DNAH6: variants seen among roughly 807,000 people sequenced by gnomAD.
DNAH6 encodes the protein axonemal beta dynein heavy chain 6.
Under a neutral mutation model 491.4 loss-of-function variants are expected in DNAH6, and 340 were observed. The ratio of observed to expected loss-of-function variants is 0.69; its 90% CI spans 0.63 to 0.76. The LOEUF is 0.76. Ranked by LOEUF, DNAH6 falls within the 30% of genes least tolerant of loss-of-function variation. The pLI is 0.00. For synonymous variants in DNAH6, 1,603 were observed against 1,686.1 expected, an observed-to-expected ratio of 0.95 and a Z score of 1.21; for missense variants, 4,443 against 4,972.2, an observed-to-expected ratio of 0.89 and a Z score of 3.20.
the DNAH6 span, among the ~76,000 whole-genome samples, chr2:84,463,121 A>G: frequency 2.6e-5 from 4 of 152,234 alleles, no homozygotes; most frequent in Non-Finnish European, 4.4e-5. Flanking sequence ...AAGAGCCAGC[A>G]TTCCAAAGAG....
chr2:84,707,268 A>G (rs547570878), intron 53 of DNAH6, among the ~76,000 whole-genome samples: 1 of 152,368 alleles, frequency 6.6e-6, no homozygotes, highest in East Asian at 1.9e-4. Context: ...AAATACTACA[A>G]GGATACAGAA....
At position 84,679,990 on chromosome 2, in the gene DNAH6, A is replaced by G. The variant is rs891040654; in HGVS notation, c.6745-1367A>G. 1.6e-4 allele frequency among the ~76,000 whole-genome samples: 25 copies of G among 152,372 alleles called. No homozygotes were observed. In the East Asian group the frequency reaches 2.7e-3, roughly 16 times the overall value. ...TATAAATAAAATTATCAGCTTGTCT[A>G]TTCTCCATCATACACATACAAATGG... On this transcript the variant is annotated intron_variant, in intron 41 of 76. Coordinates refer to ENST00000389394, the MANE Select transcript of DNAH6 (RefSeq NM_001370.2).
At chr2:84,569,546 G>A (rs1019363306) in intron 11 of DNAH6, among the ~76,000 whole-genome samples, 3 of 152,070 alleles carry the variant, frequency 2.0e-5, no homozygotes, top group Non-Finnish European at 4.4e-5. Context: ...AAACCCACAT[G>A]TATTTCAAGT....
intron 62 of DNAH6, among the ~76,000 whole-genome samples, chr2:84,739,703 G>T (rs1010709551): frequency 6.6e-6 from 1 of 152,088 alleles, no homozygotes; most frequent in African/African-American, 2.4e-5. Context: ...ACTTCTGTTG[G>T]TTTTGTTCTT....
In DNAH6 at chr2:84,577,417, A is replaced by G. The variant is rs758990764; in HGVS notation, c.2076+9A>G. ...CTTTGCGATGCTTAGAGGTAACTAT[A>G]AACTAGAAAAAAAAATAATTATTCC... On this transcript the variant is annotated intron_variant, in intron 13 of 76. Transcript: ENST00000389394. The G allele has an allele frequency of 6.5e-7, 1 of 1,545,886 alleles. No homozygotes were observed. Among genetic ancestry groups the G allele is most frequent in the South Asian group, 1.2e-5 (1 of 81,316 alleles).
At chr2:84,758,402 A>G (rs180909360) in intron 63 of DNAH6, among the ~76,000 whole-genome samples, 2 of 152,168 alleles carry the variant, frequency 1.3e-5, no homozygotes, top group Non-Finnish European at 2.9e-5. Context: ...AGAAGGAGGG[A>G]ATTCTCTCTA....
intron 23 of DNAH6, among the ~76,000 whole-genome samples, chr2:84,617,363 T>C (rs1193032466): frequency 3.9e-5 from 6 of 152,170 alleles, no homozygotes; most frequent in Non-Finnish European, 7.4e-5. Flanking sequence ...AATCCAGTTA[T>C]ACTCTTTTAG....
rs191512991 is a variant in DNAH6, at chr2:84,593,445, G to C, written c.2611-527G>C. On this transcript the variant is annotated intron_variant, in intron 16 of 76. Transcript: ENST00000389394. ...ACTTCTCATGAAAACACCTTCTTCAGATTTTCTTGCACCCTTCCTCTCCAT... is the reference window on the plus strand; with the variant it reads ...ACTTCTCATGAAAACACCTTCTTCACATTTTCTTGCACCCTTCCTCTCCAT... Among the ~76,000 whole-genome samples the C allele has an allele frequency of 3.4e-3, 523 of 152,318 alleles. 1 individual carries two copies. The highest frequency in any genetic ancestry group is 0.011 in the African/African-American group (476 of 41,564).
At chr2:84,645,002 T>C (rs1250163331) in intron 33 of DNAH6, among the ~76,000 whole-genome samples, 2 of 152,232 alleles carry the variant, frequency 1.3e-5, no homozygotes, top group Non-Finnish European at 2.9e-5. Flanking sequence ...TTTTAGCTCT[T>C]TGGGGAATCA....
At chr2:84,490,037 C>CACAGTGTATGG in the DNAH6 span, among the ~76,000 whole-genome samples, 5 of 152,220 alleles carry the variant, frequency 3.3e-5, no homozygotes, top group East Asian at 9.7e-4. Flanking sequence ...AAGACCAATA[C>CACAGTGTATGG]CCCCACCATA....
upstream of DNAH6, among the ~76,000 whole-genome samples, chr2:84,515,551 T>C (rs1235572534): frequency 1.3e-5 from 2 of 152,152 alleles, no homozygotes; most frequent in Non-Finnish European, 2.9e-5. Flanking sequence ...AGTACAATAA[T>C]GTAAAGAACT....
At chr2:84,470,506 C>T in the DNAH6 span, among the ~76,000 whole-genome samples, 1 of 152,142 alleles carries the variant, frequency 6.6e-6, no homozygotes, top group South Asian at 2.1e-4. Context: ...GGGTAATGTC[C>T]TGACATCACC....
At chr2:84,483,279 T>TA in the DNAH6 span, among the ~76,000 whole-genome samples, 1 of 152,024 alleles carries the variant, frequency 6.6e-6, no homozygotes, top group African/African-American at 2.4e-5. Context: ...TTTGTATTTT[T>TA]AAAAAACTCC....
intron 58 of DNAH6, among the ~76,000 whole-genome samples, chr2:84,716,328 T>G (rs1355455623): frequency 6.6e-6 from 1 of 151,176 alleles, no homozygotes; most frequent in Admixed American, 6.6e-5. Flanking sequence ...TGATGTTGAT[T>G]CAAAATTAAT....
intron 21 of DNAH6, among the ~76,000 whole-genome samples, chr2:84,610,793 C>T (rs1686249837): frequency 6.6e-6 from 1 of 152,158 alleles, no homozygotes. Flanking sequence ...TTCAACAAAC[C>T]ACATTGTCTG....
the DNAH6 span, among the ~76,000 whole-genome samples, chr2:84,460,934 T>G: frequency 6.6e-6 from 1 of 152,284 alleles, no homozygotes; most frequent in East Asian, 1.9e-4. Context: ...GCATGACAAA[T>G]TAATGAAGAA....
intron 22 of DNAH6, among the ~76,000 whole-genome samples, chr2:84,612,879 G>T (rs1052272164): frequency 1.3e-5 from 2 of 151,884 alleles, no homozygotes; most frequent in African/African-American, 4.8e-5. Flanking sequence ...ACATCTCTAG[G>T]GGGCCATTAT....
rs769285582 is a variant in DNAH6 at position 84,762,953 on chromosome 2, C to A, written c.10703+8C>A. On this transcript the variant is annotated splice_region_variant and intron_variant, in intron 64 of 76. Transcript: ENST00000389394. ...AAGTGGATATTCAGAACGGTAAGTT[C>A]ATGTTGTGCAGTTTTAATAATGCAA... The A allele has an allele frequency of 2.6e-6, 4 of 1,546,554 alleles. No homozygotes were observed. Among genetic ancestry groups the A allele is most frequent in the Middle Eastern group, 1.7e-4 (1 of 5,992 alleles).
chr2:84,494,184 A>T, the DNAH6 span, among the ~76,000 whole-genome samples: 1 of 152,148 alleles, frequency 6.6e-6, no homozygotes, highest in Non-Finnish European at 1.5e-5. Context: ...AGGTCCAAAA[A>T]ACCTCAGCCC....
Sources: allele counts gnomAD v4.1 joint callset (sites outside exome capture counted in the v4.1 genomes callset), GRCh38; gene constraint gnomAD v4.1.1; transcripts MANE v1.5; gene names NCBI Gene and HGNC (gene_info 2026-07-23, HGNC 2026-07-21).